The following BSN variants were observed in gnomAD, a reference collection of about 807,000 sequenced individuals.
BSN encodes the protein protein bassoon.
In BSN, 57 loss-of-function variants were observed where a neutral mutation model predicts 264.8. The ratio of observed to expected loss-of-function variants is 0.22; its 90% confidence interval spans 0.17 to 0.27. The LOEUF is 0.27. BSN is among the 10% of genes least tolerant of loss of function. The pLI, the probability that BSN is intolerant of heterozygous loss-of-function variation, is 1.00. For missense variants in BSN, 4,615 were observed against 5,232.5 expected (o/e 0.88, Z 3.64); for synonymous variants, 2,059 against 2,137.3 (o/e 0.96, Z 1.01).
At chr3:49,589,548 C>T (rs1455297753) in intron 1 of BSN, among the ~76,000 whole-genome samples, 1 of 149,250 alleles carries the variant, frequency 6.7e-6, no homozygotes, top group Admixed American at 6.7e-5. Context: ...ACTCTGTCGC[C>T]CAGGCTGGAG....
In BSN at chr3:49,571,851, G is replaced by A. The variant is rs1006448451; in HGVS notation, c.224+17025G>A. Among the ~76,000 whole-genome samples the A allele has an allele frequency of 2.6e-4, 39 of 152,130 alleles. 1 individual carries two copies. Among genetic ancestry groups the A allele is most frequent in the Non-Finnish European group, 1.5e-4 (10 of 68,024 alleles). ...GCAGTGGGGGTGGGTTTAGGCATAA[G>A]GGATAGAGGTAGCAACACCAACTCC... On this transcript the variant is annotated intron_variant, in intron 1 of 11. Coordinates refer to ENST00000296452, the MANE Select transcript of BSN (RefSeq NM_003458.4).
chr3:49,586,914 A>C (rs1575429853), intron 1 of BSN, among the ~76,000 whole-genome samples: 1 of 152,172 alleles, frequency 6.6e-6, no homozygotes, highest in Non-Finnish European at 1.5e-5. Flanking sequence ...GTTTCATATA[A>C]ATTTTAGGAT....
rs2052436188 is a variant in BSN at position 49,638,453 on chromosome 3, G to A, written c.634-3815G>A. Among the ~76,000 whole-genome samples the A allele has an allele frequency of 6.6e-6, 1 of 152,286 alleles. No homozygotes were observed. Among genetic ancestry groups the A allele is most frequent in the African/African-American group, 2.4e-5 (1 of 41,566 alleles). ...CCTCCCAGGAAACTGCTGGGGATCT[G>A]TCGGGGAGGCAGAGAGGGGGATGTA... On this transcript the variant is annotated intron_variant, in intron 2 of 11. Coordinates refer to ENST00000296452, the MANE Select transcript of BSN (RefSeq NM_003458.4). The surrounding 1 kb of genome is among the most constrained non-coding windows in gnomAD (Gnocchi z 4.3).
chr3:49,562,645 A>G (rs1258934527), intron 1 of BSN, among the ~76,000 whole-genome samples: 2 of 152,242 alleles, frequency 1.3e-5, no homozygotes, highest in Non-Finnish European at 2.9e-5. Context: ...GTAGAAGAAC[A>G]GCCAGCTAGC....
At chr3:49,610,206 G>A (rs971806887) in intron 1 of BSN, among the ~76,000 whole-genome samples, 12 of 152,188 alleles carry the variant, frequency 7.9e-5, no homozygotes, top group African/African-American at 2.7e-4. Context: ...GCACGTTCAA[G>A]TTCCCATGCT....
At chr3:49,582,212 A>G (rs926106120) in intron 1 of BSN, among the ~76,000 whole-genome samples, 9 of 151,958 alleles carry the variant, frequency 5.9e-5, no homozygotes, top group African/African-American at 2.2e-4. Flanking sequence ...GTGAAGTGGT[A>G]TCTTATTGTA....
intron 1 of BSN, among the ~76,000 whole-genome samples, chr3:49,570,829 A>G (rs2051790241): frequency 6.6e-6 from 1 of 152,154 alleles, no homozygotes; most frequent in African/African-American, 2.4e-5. Context: ...AGTGCAAATA[A>G]CTTGTTTTCA....
intron 1 of BSN, among the ~76,000 whole-genome samples, chr3:49,563,410 C>T (rs954737481): frequency 1.3e-5 from 2 of 152,228 alleles, no homozygotes; most frequent in Non-Finnish European, 2.9e-5. Flanking sequence ...CCTACAGGTG[C>T]TCTGGCAGCA....
At chr3:49,644,952 AACGTCTGGAT>A (rs1191467661) in intron 3 of BSN, among the ~76,000 whole-genome samples, 2 of 152,142 alleles carry the variant, frequency 1.3e-5, no homozygotes, top group Non-Finnish European at 2.9e-5. Context: ...GACTAGATGA[AACGTCTGGAT>A]TCTGGCCTAG....
intron 1 of BSN, among the ~76,000 whole-genome samples, chr3:49,613,561 C>G (rs2052229621): frequency 6.6e-6 from 1 of 151,520 alleles, no homozygotes; most frequent in African/African-American, 2.4e-5. Flanking sequence ...GTGGTGCAGT[C>G]TCAGCTCACT....
chr3:49,601,404 T>C (rs2052072673), intron 1 of BSN, among the ~76,000 whole-genome samples: 2 of 152,146 alleles, frequency 1.3e-5, no homozygotes, highest in East Asian at 3.8e-4. Context: ...TGTGCTCAGC[T>C]CTCCCTTCCT....
Position 49,609,070 on chromosome 3 carries a change from G to A in BSN, c.225-15905G>A, listed in dbSNP as rs1335106860. Among the ~76,000 whole-genome samples, 4 of 147,122 alleles carry A rather than the reference G, an allele frequency of 2.7e-5. No homozygotes were observed. The South Asian group carries it at 8.7e-4, about 32-fold the overall frequency. Reference sequence around the variant, plus strand: ...ATAGACGGCAGGATGCTTAAACCAGGTTTTGAAGGTTAAATTGACTTTTTT... The same window carrying A: ...ATAGACGGCAGGATGCTTAAACCAGATTTTGAAGGTTAAATTGACTTTTTT... On this transcript the variant is annotated intron_variant, in intron 1 of 11. Transcript: ENST00000296452.
intron 1 of BSN, among the ~76,000 whole-genome samples, chr3:49,570,061 A>T (rs1559594131): frequency 6.6e-6 from 1 of 152,236 alleles, no homozygotes; most frequent in Non-Finnish European, 1.5e-5. Context: ...ATCAGGATGC[A>T]GGCTGTAGCA....
At position 49,657,340 on chromosome 3, in the gene BSN, G is replaced by T; in HGVS notation, c.7784G>T (p.Arg2595Leu). 6.2e-7 allele frequency: 1 copy of T among 1,613,350 alleles called. No individual in the cohort carries two copies. ...VQTDDEDGES[R>L]YLLSRRRRAR... ...ACAGACGATGAGGATGGGGAGAGCC[G>T]CTACCTCTTGAGTCGGCGACGCCGG... Residue 2595 changes from arginine (R) to leucine (L), a missense_variant, in exon 5 of 12, where the codon CGC becomes CTC. By Grantham distance (102) the Arg-to-Leu change is moderately radical (BLOSUM62 -2). Around this residue, in one of 3 missense-constraint regions of BSN, gnomAD observed 3,415 missense variants for 3,866.4 expected, o/e 0.88. Coordinates refer to ENST00000296452, the MANE Select transcript of BSN (RefSeq NM_003458.4).
At chr3:49,615,510 G>A (rs2052253356) in intron 1 of BSN, among the ~76,000 whole-genome samples, 1 of 152,094 alleles carries the variant, frequency 6.6e-6, no homozygotes, top group African/African-American at 2.4e-5. Context: ...AGAAGATGTC[G>A]GCCTCAAGGG....
chr3:49,668,549 T>C lies in BSN; in HGVS notation c.*1064T>C, dbSNP rs1175674861. 2.0e-5 allele frequency: 3 copies of C among 152,130 alleles called. No individual in the cohort carries two copies. The highest frequency in any genetic ancestry group is 4.4e-5 in the Non-Finnish European group (3 of 67,912). 9.4% of individuals were successfully genotyped at this position (152,130 alleles called of 1,614,324 possible). ...AGGGAGAATGTTGACTTAGAAGCAA[T>C]AGGGGGCAGCAGGCCACCAAGAGCA... On this transcript the variant is annotated 3_prime_UTR_variant, in exon 12 of 12. Transcript: ENST00000296452.
At chr3:49,571,641 T>C (rs1438117120) in intron 1 of BSN, among the ~76,000 whole-genome samples, 1 of 151,990 alleles carries the variant, frequency 6.6e-6, no homozygotes, top group African/African-American at 2.4e-5. Flanking sequence ...GGCCTCAGGG[T>C]ATAGTAGGGA....
Position 49,660,950 on chromosome 3 carries a change from C to A in BSN, c.9105C>A (p.Phe3035Leu), listed in dbSNP as rs376493854. 6.8e-6 allele frequency: 11 copies of A among 1,612,040 alleles called. No homozygotes were observed. The highest frequency in any genetic ancestry group is 9.3e-6 in the Non-Finnish European group (11 of 1,180,016). ...CTCCCGCTGGCCAGTTTGTGGACTT[C>A]CCTGCCACTGCCGCTGCTCCTGCCA... ...CTTPAGQFVD[F>L]PATAAAPATP... Residue 3035 changes from phenylalanine (F) to leucine (L), a missense_variant, in exon 6 of 12, where the codon TTC (phenylalanine) becomes TTA (leucine). Coordinates refer to ENST00000296452, the MANE Select transcript of BSN (RefSeq NM_003458.4). This position sits in a 1 kb window ranked among gnomAD's most constrained non-coding sequence, Gnocchi z 7.1.
chr3:49,634,207 T>TA (rs77766983), intron 2 of BSN, among the ~76,000 whole-genome samples: 61 of 139,950 alleles, frequency 4.4e-4, no homozygotes, highest in Middle Eastern at 3.8e-3. Flanking sequence ...ACTCTGCCTT[T>TA]AAAAAAAAAA....
Sources: allele counts gnomAD v4.1 joint callset (sites outside exome capture counted in the v4.1 genomes callset), GRCh38; gene constraint gnomAD v4.1.1; regional missense constraint gnomAD v4.1.1; non-coding constraint Gnocchi (gnomAD v3.1); transcripts MANE v1.5; gene names NCBI Gene and HGNC (gene_info 2026-07-23, HGNC 2026-07-21).